The following ADGRL2 variants were observed in gnomAD, a reference collection of about 807,000 sequenced individuals.
ADGRL2 encodes calcium-independent alpha-latrotoxin receptor 2.
ADGRL2 carries 44 observed loss-of-function variants against 157.4 expected under a neutral mutation model. The observed-to-expected ratio is 0.28, with a 90% CI of 0.22 to 0.36. ADGRL2 has a LOEUF of 0.36. ADGRL2 is among the 10% of genes least tolerant of loss of function. The pLI, the probability that ADGRL2 is intolerant of heterozygous loss-of-function variation, is 1.00. For missense variants in ADGRL2, 1,510 were observed against 1,768.9 expected, an observed-to-expected ratio of 0.85 and a Z score of 2.63; for synonymous variants, 585 against 624.7, an observed-to-expected ratio of 0.94 and a Z score of 0.95.
chr1:81,977,351 A>T (rs1039289657), intron 17 of ADGRL2, among the ~76,000 whole-genome samples: 1 of 151,862 alleles, frequency 6.6e-6, no homozygotes, highest in African/African-American at 2.4e-5. Context: ...AAATGCATTG[A>T]ACAGTCTGTT....
At chr1:81,619,361 T>G (rs2148704533) in intron 3 of ADGRL2, among the ~76,000 whole-genome samples, 1 of 152,124 alleles carries the variant, frequency 6.6e-6, no homozygotes, top group East Asian at 1.9e-4. Context: ...CCAGTGGAGA[T>G]TTCCCTATTC....
At chr1:81,468,070 A>G (rs1004225435) in intron 2 of ADGRL2, among the ~76,000 whole-genome samples, 4 of 152,278 alleles carry the variant, frequency 2.6e-5, no homozygotes, top group Admixed American at 1.3e-4. Context: ...GAAAGTTTAG[A>G]TTTGGTTTTC....
intron 2 of ADGRL2, among the ~76,000 whole-genome samples, chr1:81,451,651 A>G (rs1367622876): frequency 2.6e-5 from 4 of 152,150 alleles, no homozygotes; most frequent in Non-Finnish European, 5.9e-5. Flanking sequence ...AATCAGTAGG[A>G]GATTTTGCCA....
intron 3 of ADGRL2, among the ~76,000 whole-genome samples, chr1:81,668,030 C>T (rs1388177796): frequency 6.6e-6 from 1 of 152,056 alleles, no homozygotes; most frequent in African/African-American, 2.4e-5. Flanking sequence ...TAAAAATTAT[C>T]TTTAAAAATC....
intron 3 of ADGRL2, among the ~76,000 whole-genome samples, chr1:81,681,649 G>T (rs1470765328): frequency 6.6e-6 from 1 of 152,186 alleles, no homozygotes; most frequent in Non-Finnish European, 1.5e-5. Flanking sequence ...ATGCAGCTGT[G>T]TAAGTTTTCA....
At chr1:81,836,856 A>G in intron 1 of ADGRL2, 29 bp from the exon 2 acceptor site, 1 of 577,680 alleles carries the variant, frequency 1.7e-6, no homozygotes, top group Non-Finnish European at 3.1e-6. Flanking sequence ...AAGACCATAG[A>G]GTAAGTGATG....
intron 1 of ADGRL2, among the ~76,000 whole-genome samples, chr1:81,434,054 G>A (rs1259501519): frequency 6.6e-6 from 1 of 152,196 alleles, no homozygotes. Flanking sequence ...TTCATTTAAA[G>A]GCTAAGCCAG....
intron 1 of ADGRL2, among the ~76,000 whole-genome samples, chr1:81,742,380 T>C (rs2085100643): frequency 6.6e-6 from 1 of 152,018 alleles, no homozygotes; most frequent in South Asian, 2.1e-4. Flanking sequence ...GTTCTTCCAT[T>C]AGTGGAAAAA....
At chr1:81,429,672 G>A (rs568969739) in intron 1 of ADGRL2, among the ~76,000 whole-genome samples, 13 of 152,280 alleles carry the variant, frequency 8.5e-5, no homozygotes, top group Admixed American at 1.3e-4. Context: ...ATACCAAACA[G>A]TGCAGGCTCT....
chr1:81,680,471 T>A (rs1007645324), intron 3 of ADGRL2, among the ~76,000 whole-genome samples: 4 of 152,036 alleles, frequency 2.6e-5, no homozygotes, highest in African/African-American at 9.7e-5. Context: ...TATGTAGAAA[T>A]CTTGAAAAAG....
intron 2 of ADGRL2, chr1:81,514,716 A>T (rs1157282319): frequency 2.6e-5 from 4 of 152,228 alleles, no homozygotes; most frequent in Admixed American, 2.6e-4. Flanking sequence ...ACTCAAGAAC[A>T]TAAAGTTGAT....
chr1:81,784,620 C>T (rs538210177), intron 2 of ADGRL2, among the ~76,000 whole-genome samples: 4 of 150,972 alleles, frequency 2.6e-5, no homozygotes, highest in Non-Finnish European at 4.4e-5. Context: ...CCCAGCTATT[C>T]CGGAGGCTGA....
chr1:81,478,282 G>A (rs570338650), intron 2 of ADGRL2, among the ~76,000 whole-genome samples: 15 of 152,250 alleles, frequency 9.9e-5, no homozygotes, highest in African/African-American at 2.9e-4. Context: ...TCCTGTGGCC[G>A]TACAGGCTGG....
At chr1:81,704,203 TAA>T (rs1190544360) in intron 1 of ADGRL2, among the ~76,000 whole-genome samples, 1 of 152,210 alleles carries the variant, frequency 6.6e-6, no homozygotes, top group African/African-American at 2.4e-5. Context: ...AAAAACCAGT[TAA>T]ATCTAATACC....
At chr1:81,868,401 AC>A (rs2093606861) in intron 2 of ADGRL2, among the ~76,000 whole-genome samples, 1 of 152,040 alleles carries the variant, frequency 6.6e-6, no homozygotes, top group South Asian at 2.1e-4. Context: ...AAATTGGATC[AC>A]TTTTCCTATC....
chr1:81,728,601 A>G (rs2084617387), intron 1 of ADGRL2, among the ~76,000 whole-genome samples: 2 of 152,208 alleles, frequency 1.3e-5, no homozygotes, highest in Admixed American at 6.5e-5. Flanking sequence ...GAAAATGCAA[A>G]TAAACCAACA....
intron 1 of ADGRL2, among the ~76,000 whole-genome samples, chr1:81,341,864 C>A (rs980206222): frequency 6.6e-6 from 1 of 152,074 alleles, no homozygotes; most frequent in Non-Finnish European, 1.5e-5. Context: ...AAAATTTGAA[C>A]TAAACAAATA....
At chr1:81,919,441 C>G (rs1414713539) in intron 3 of ADGRL2, among the ~76,000 whole-genome samples, 1 of 152,046 alleles carries the variant, frequency 6.6e-6, no homozygotes, top group African/African-American at 2.4e-5. Context: ...TTCCCTCACC[C>G]TCAACTCCCA....
At chr1:81,417,871 TAAA>T (rs1176786678) in intron 1 of ADGRL2, among the ~76,000 whole-genome samples, 1 of 152,216 alleles carries the variant, frequency 6.6e-6, no homozygotes, top group Non-Finnish European at 1.5e-5. Context: ...CAGCTGATAT[TAAA>T]TTAACCCCAA....
Sources: allele counts gnomAD v4.1 joint callset (sites outside exome capture counted in the v4.1 genomes callset), GRCh38; gene constraint gnomAD v4.1.1; transcripts MANE v1.5; gene names NCBI Gene and HGNC (gene_info 2026-07-23, HGNC 2026-07-21).